The following C11orf54 variants were observed in gnomAD, a reference collection of about 807,000 sequenced individuals.
C11orf54 encodes beta-keto L-gulonate decarboxylase.
In C11orf54, 29 loss-of-function variants were observed where a neutral mutation model predicts 35.5. That is an observed-to-expected ratio of 0.82 (90% CI 0.61 to 1.11). C11orf54 has a LOEUF of 1.11. C11orf54 is among the 50% of genes most tolerant of loss of function. The pLI is 0.00. For missense variants in C11orf54, 373 were observed against 369.2 expected (o/e 1.01, Z -0.08); for synonymous variants, 108 against 121.1 (o/e 0.89, Z 0.71).
In C11orf54 at chr11:93,759,792, ATGGT is replaced by A; in HGVS notation, c.711_714del (p.Trp237CysfsTer6). On this transcript the variant is annotated frameshift_variant, in exon 8 of 9. Transcript: ENST00000354421. LOFTEE classifies it high-confidence loss of function. The stretch of plus-strand genomic sequence containing the variant: ...TGAACTCTGATGAAGAAGTGAATAA[ATGGT>A]TGCATTTTTATGAAATGAAAGCTCC... The A allele has an allele frequency of 6.2e-7, 1 of 1,611,190 alleles. No individual in the cohort carries two copies. Among genetic ancestry groups the A allele is most frequent in the Non-Finnish European group, 8.5e-7 (1 of 1,178,076 alleles).
Position 93,761,674 on chromosome 11 carries a change from A to C in C11orf54, c.934A>C (p.Ile312Leu). The change falls in exon 9 of 9, where the codon ATT (isoleucine) becomes CTT (leucine). Residue 312 changes from isoleucine (I) to leucine (L), a missense_variant. Transcript: ENST00000354421. ...TGATCAACCAAAAGAGACGCATTCA[A>C]TTGGGCGAGATTAAATCAGCTGATA... ...RIDQPKETHS[I>L]GRD 1 of 1,594,790 alleles carries C rather than the reference A, an allele frequency of 6.3e-7. No homozygotes were observed. Among genetic ancestry groups the C allele is most frequent in the South Asian group, 1.2e-5 (1 of 86,530 alleles).
At chr11:93,747,566 A>T (rs997671598) in intron 2 of C11orf54, 118 bp downstream of exon 2, 2 of 238,396 alleles carry the variant, frequency 8.4e-6, no homozygotes, top group Non-Finnish European at 1.4e-5. Flanking sequence ...TTACTTATCA[A>T]AATAATACTT....
chr11:93,758,680 C>T (rs995373084), intron 7 of C11orf54, among the ~76,000 whole-genome samples: 1 of 152,248 alleles, frequency 6.6e-6, no homozygotes, highest in Non-Finnish European at 1.5e-5. Flanking sequence ...CCTGCCGTCC[C>T]GGCCCCTTCT....
Position 93,759,786 on chromosome 11 carries a change from G to C in C11orf54, c.702G>C (p.Val234=). Residue 234 remains valine (V), a synonymous_variant, in exon 8 of 9, where the codon GTG becomes GTC. Transcript: ENST00000354421. ...SSCPLNSDEE[V]NKWLHFYEMK... ...GCCCCTTGAACTCTGATGAAGAAGT[G>C]AATAAATGGTTGCATTTTTATGAAA... The C allele has an allele frequency of 6.2e-7, 1 of 1,610,956 alleles. No homozygotes were observed. Among genetic ancestry groups the C allele is most frequent in the Non-Finnish European group, 8.5e-7 (1 of 1,177,964 alleles).
intron 3 of C11orf54, among the ~76,000 whole-genome samples, chr11:93,751,399 GTTTTTTTT>G: frequency 1.3e-5 from 1 of 74,696 alleles, no homozygotes; most frequent in South Asian, 5.9e-4. Context: ...CTTTTTTATA[GTTTTTTTT>G]TTTTTTTTTT....
intron 1 of C11orf54, among the ~76,000 whole-genome samples, chr11:93,745,387 T>C (rs1942408145): frequency 6.6e-6 from 1 of 152,122 alleles, no homozygotes; most frequent in Admixed American, 6.5e-5. Context: ...CCCTGGTTAA[T>C]AGAGAATGGA....
intron 3 of C11orf54, among the ~76,000 whole-genome samples, chr11:93,750,848 A>G (rs2135604420): frequency 6.6e-6 from 1 of 152,360 alleles, no homozygotes; most frequent in Middle Eastern, 3.4e-3. Flanking sequence ...TCCTTCAACA[A>G]ATTTGCCAAG....
intron 7 of C11orf54, 94 bp downstream of exon 7, chr11:93,757,559 T>G (rs977488665): frequency 1.0e-4 from 131 of 1,261,184 alleles, no homozygotes; most frequent in Non-Finnish European, 1.2e-4. Flanking sequence ...AAACGGATCC[T>G]TGCTCTGTTG....
Position 93,741,724 on chromosome 11 carries a change from T to A in C11orf54, c.-102T>A, listed in dbSNP as rs568791166. ...TCTGGGTGTTTTGCTACCGTGACCG[T>A]TTAGGTGAGTGGAATAGCCAAGAAC... On this transcript the variant is annotated 5_prime_UTR_variant, in exon 1 of 9. Transcript: ENST00000354421. The A allele has an allele frequency of 1.7e-5, 6 of 350,190 alleles. No homozygotes were observed. Among genetic ancestry groups the A allele is most frequent in the African/African-American group, 1.3e-4 (6 of 46,512 alleles). The allele number at this position is 350,190 out of a possible 1,614,324, so 21.7% of individuals were successfully genotyped here. A position where few individuals can be genotyped will look rare whatever the true frequency, so the allele number is the denominator to read the frequency against.
At chr11:93,743,783 G>A (rs1177049474) in intron 1 of C11orf54, among the ~76,000 whole-genome samples, 1 of 152,186 alleles carries the variant, frequency 6.6e-6, no homozygotes, top group South Asian at 2.1e-4. Context: ...GTTTAGTTGC[G>A]ATAGTTGGTC....
chr11:93,741,708 TTTGC>T lies in C11orf54; in HGVS notation c.-116_-113del. On this transcript the variant is annotated 5_prime_UTR_variant, in exon 1 of 9. Coordinates refer to ENST00000354421, the MANE Select transcript of C11orf54 (RefSeq NM_001286069.2). ...AGGCGAAGATCCGGACTCTGGGTGT[TTTGC>T]TACCGTGACCGTTTAGGTGAGTGGA... is the stretch of plus-strand genomic sequence containing the variant. The T allele has an allele frequency of 2.8e-6, 1 of 354,762 alleles. No homozygotes were observed. Among genetic ancestry groups the T allele is most frequent in the Non-Finnish European group, 5.6e-6 (1 of 179,944 alleles). 22.0% of individuals were successfully genotyped at this position (354,762 alleles called of 1,614,324 possible). A position where few individuals can be genotyped will look rare whatever the true frequency, so the allele number is the denominator to read the frequency against.
At chr11:93,751,852 G>A (rs1189540320) in intron 3 of C11orf54, among the ~76,000 whole-genome samples, 1 of 110,536 alleles carries the variant, frequency 9.0e-6, no homozygotes, top group African/African-American at 3.6e-5. Context: ...TTGTGTGTGT[G>A]TGTGTGAGAT....
At chr11:93,742,464 A>G (rs1327974414) in intron 1 of C11orf54, among the ~76,000 whole-genome samples, 3 of 152,006 alleles carry the variant, frequency 2.0e-5, no homozygotes, top group African/African-American at 7.2e-5. Context: ...TTGCATTTTT[A>G]GTAGAGGCGG....
At chr11:93,757,533 ATTTT>A in intron 7 of C11orf54, 68 bp downstream of exon 7, 1 of 1,203,316 alleles carries the variant, frequency 8.3e-7, no homozygotes, top group South Asian at 1.7e-5. Context: ...AGATCTTAGG[ATTTT>A]TTTTTTTTTT....
chr11:93,748,938 G>A (rs1325674403), intron 2 of C11orf54, among the ~76,000 whole-genome samples: 11 of 151,848 alleles, frequency 7.2e-5, no homozygotes, highest in African/African-American at 2.4e-4. Flanking sequence ...GAGGTCAGGA[G>A]TTCAAGACCA....
In C11orf54 at chr11:93,748,555, G is replaced by A. The variant is rs115486580; in HGVS notation, c.55+1107G>A. On this transcript the variant is annotated intron_variant, in intron 2 of 8. Coordinates refer to ENST00000354421, the MANE Select transcript of C11orf54 (RefSeq NM_001286069.2). The stretch of plus-strand genomic sequence containing the variant: ...ATTCAGAAAAAGTAGAAATTTTATG[G>A]CCTGGCACAGTGGCTCATGCCTGTA... 5.7e-3 allele frequency among the ~76,000 whole-genome samples: 866 copies of A among 152,248 alleles called. 14 individuals are homozygous for A. The highest frequency in any genetic ancestry group is 0.02 in the African/African-American group (820 of 41,532).
chr11:93,761,543 A>T lies in C11orf54; in HGVS notation c.803A>T (p.His268Leu), dbSNP rs1565277754. ...PGFDLRLEHTHFFSRHGEGGH... is the reference protein window; with the variant it reads ...PGFDLRLEHTLFFSRHGEGGH... ...TTTGATTTGCGACTGGAGCACACTC[A>T]TTTTTTTAGTCGTCATGGAGAAGGT... The change falls in exon 9 of 9, where the codon CAT becomes CTT. Residue 268 changes from histidine to leucine, a missense_variant. By Grantham distance (99) the His-to-Leu change is moderately conservative. Transcript: ENST00000354421. 6.2e-7 allele frequency: 1 copy of T among 1,610,898 alleles called. No homozygotes were observed. The highest frequency in any genetic ancestry group is 1.7e-5 in the Admixed American group (1 of 59,384).
intron 1 of C11orf54, among the ~76,000 whole-genome samples, chr11:93,744,265 G>A (rs1406529308): frequency 6.6e-6 from 1 of 152,084 alleles, no homozygotes; most frequent in Non-Finnish European, 1.5e-5. Flanking sequence ...CCCCTAATAA[G>A]TACATTTCTA....
At chr11:93,757,032 A>G (rs1282606760) in intron 6 of C11orf54, among the ~76,000 whole-genome samples, 1 of 152,026 alleles carries the variant, frequency 6.6e-6, no homozygotes, top group Non-Finnish European at 1.5e-5. Flanking sequence ...GAGTCTCTAG[A>G]CTCTCTGCAC....
Sources: gnomAD v4.1 joint callset for allele counts (sites outside exome capture counted in the v4.1 genomes callset) on GRCh38, gnomAD v4.1.1 for gene constraint, MANE v1.5 for transcripts, NCBI Gene and HGNC (gene_info 2026-07-23, HGNC 2026-07-21) for gene names.